KYAT3: variants seen among roughly 807,000 people sequenced by gnomAD.
The protein encoded by KYAT3 is kynurenine--oxoglutarate transaminase 3.
KYAT3 carries 50 observed loss-of-function variants against 59.0 expected under a neutral mutation model. The observed-to-expected ratio is 0.85, with a 90% confidence interval of 0.68 to 1.07. The LOEUF (loss-of-function observed/expected upper bound fraction) is 1.07, where lower values mean the gene tolerates loss of function less well. Among genes scored for constraint, KYAT3 ranks in the 50% least tolerant of loss-of-function variants. KYAT3 has a pLI of 0.00. For synonymous variants in KYAT3, 148 were observed against 177.0 expected (o/e 0.84, Z 1.30); for missense variants, 497 against 533.3 (o/e 0.93, Z 0.67).
the KYAT3 span, among the ~76,000 whole-genome samples, chr1:88,921,220 C>T: frequency 6.6e-6 from 1 of 152,206 alleles, no homozygotes; most frequent in Non-Finnish European, 1.5e-5. Flanking sequence ...GCTTCACCTC[C>T]AGGCCTCGCT....
intron 11 of KYAT3, among the ~76,000 whole-genome samples, chr1:88,943,790 T>C (rs1244298107): frequency 1.3e-5 from 2 of 152,222 alleles, no homozygotes; most frequent in African/African-American, 2.4e-5. Flanking sequence ...TTTTTAAGTA[T>C]TCATCAGTAA....
intron 11 of KYAT3, among the ~76,000 whole-genome samples, chr1:88,944,634 C>T (rs1316791566): frequency 6.6e-6 from 1 of 151,790 alleles, no homozygotes; most frequent in Non-Finnish European, 1.5e-5. Context: ...AGGTTTGGCC[C>T]TAACAAAAAT....
intron 2 of KYAT3, among the ~76,000 whole-genome samples, chr1:88,973,137 C>T (rs1014588819): frequency 2.6e-5 from 4 of 152,206 alleles, no homozygotes; most frequent in African/African-American, 9.7e-5. Flanking sequence ...GATGCTCCTA[C>T]CAGCCAAGGA....
chr1:88,984,272 C>T (rs371644241), intron 2 of KYAT3, among the ~76,000 whole-genome samples: 103 of 127,234 alleles, frequency 8.1e-4, no homozygotes, highest in Middle Eastern at 0.014. Context: ...TGGAGTGCAG[C>T]GGCGCAATCT....
intron 9 of KYAT3, among the ~76,000 whole-genome samples, chr1:88,953,869 T>A (rs913121703): frequency 6.6e-6 from 1 of 151,856 alleles, no homozygotes; most frequent in Non-Finnish European, 1.5e-5. Context: ...CCAGGCCTAA[T>A]TTTTGTTTTG....
chr1:88,990,978 C>A (rs1427638647), intron 1 of KYAT3, among the ~76,000 whole-genome samples: 1 of 152,114 alleles, frequency 6.6e-6, no homozygotes, highest in Non-Finnish European at 1.5e-5. Context: ...TCTAGTTTCT[C>A]CCTAAAAACA....
chr1:88,942,270 T>C (rs1230495510), intron 13 of KYAT3, among the ~76,000 whole-genome samples: 1 of 152,146 alleles, frequency 6.6e-6, no homozygotes, highest in African/African-American at 2.4e-5. Context: ...GGTTCTTTTT[T>C]TTTTTAATAG....
the KYAT3 span, chr1:88,923,521 G>T: frequency 6.1e-6 from 1 of 164,890 alleles, no homozygotes. Flanking sequence ...TTAGTTCTGT[G>T]AAATTCCATT....
the KYAT3 span, among the ~76,000 whole-genome samples, chr1:88,925,215 A>G: frequency 3.9e-5 from 6 of 152,204 alleles, no homozygotes. Context: ...TAGAGGCAGA[A>G]AGCTGTCATC....
chr1:88,949,021 TC>T, intron 11 of KYAT3, 69 bp downstream of exon 11: 1 of 1,293,674 alleles, frequency 7.7e-7, no homozygotes, highest in Non-Finnish European at 1.0e-6. Context: ...ACCAATCTTT[TC>T]TCCATAATTC....
intron 1 of KYAT3, among the ~76,000 whole-genome samples, 197 bp downstream of exon 1, chr1:88,992,388 C>T (rs1388441787): frequency 6.6e-6 from 1 of 152,260 alleles, no homozygotes; most frequent in Admixed American, 6.5e-5. Context: ...GGATTCCCCC[C>T]TGGAGGCCAG....
chr1:88,957,721 G>C (rs1675973817), intron 8 of KYAT3, among the ~76,000 whole-genome samples: 1 of 152,166 alleles, frequency 6.6e-6, no homozygotes. Context: ...GCTTTACCCT[G>C]AAGGGCTTAA....
chr1:88,935,745 A>T, downstream of KYAT3: 1 of 360,598 alleles, frequency 2.8e-6, no homozygotes, highest in African/African-American at 2.1e-5. Context: ...ACTGGTTAGG[A>T]GTTTTTACAC....
intron 11 of KYAT3, among the ~76,000 whole-genome samples, chr1:88,943,887 CT>C (rs1675338392): frequency 6.6e-6 from 1 of 152,138 alleles, no homozygotes; most frequent in Non-Finnish European, 1.5e-5. Flanking sequence ...TTCCCAACCC[CT>C]AGGTCAGTGT....
At chr1:88,973,953 G>A (rs1421423048) in intron 2 of KYAT3, among the ~76,000 whole-genome samples, 1 of 152,156 alleles carries the variant, frequency 6.6e-6, no homozygotes, top group African/African-American at 2.4e-5. Context: ...GGAGAATTGA[G>A]GCTGTGGATA....
intron 1 of KYAT3, among the ~76,000 whole-genome samples, chr1:88,989,631 A>C (rs893607860): frequency 6.6e-6 from 1 of 152,156 alleles, no homozygotes; most frequent in Non-Finnish European, 1.5e-5. Flanking sequence ...TGATGGAGGT[A>C]ATGTGCTAAT....
intron 2 of KYAT3, among the ~76,000 whole-genome samples, chr1:88,969,900 C>T (rs1256754279): frequency 2.0e-5 from 3 of 152,118 alleles, no homozygotes; most frequent in African/African-American, 2.4e-5. Flanking sequence ...TCAAGGGATC[C>T]TCCTACCTTG....
At chr1:88,981,940 G>C (rs559706023) in intron 2 of KYAT3, 1 of 981,206 alleles carries the variant, frequency 1.0e-6, no homozygotes, top group African/African-American at 1.8e-5. Flanking sequence ...AAGAGTAAGA[G>C]CAAGCACCTT....
intron 4 of KYAT3, among the ~76,000 whole-genome samples, chr1:88,967,482 T>C (rs1676390684): frequency 6.6e-6 from 1 of 152,030 alleles, no homozygotes; most frequent in Non-Finnish European, 1.5e-5. Flanking sequence ...TAATAGTTCT[T>C]CCTTAAATAC....
Sources: allele counts gnomAD v4.1 joint callset (sites outside exome capture counted in the v4.1 genomes callset), GRCh38; gene constraint gnomAD v4.1.1; transcripts MANE v1.5; gene names NCBI Gene and HGNC (gene_info 2026-07-23, HGNC 2026-07-21).